DOT1L: variants seen among roughly 807,000 people sequenced by gnomAD.
DOT1L encodes the protein DOT1 like histone lysine methyltransferase.
Under a neutral mutation model 153.3 loss-of-function variants are expected in DOT1L, and 33 were observed. The ratio of observed to expected loss-of-function variants is 0.22; its 90% CI spans 0.16 to 0.29. The LOEUF (loss-of-function observed/expected upper bound fraction) is 0.29. Among genes scored for constraint, DOT1L ranks in the 10% least tolerant of loss-of-function variants. DOT1L has a pLI of 1.00. For synonymous variants in DOT1L, 1,135 were observed against 965.1 expected (o/e 1.18, Z -3.26); for missense variants, 1,847 against 2,119.9 (o/e 0.87, Z 2.53).
At chr19:2,224,830 A>G (rs1599620761) in intron 25 of DOT1L, among the ~76,000 whole-genome samples, 1 of 152,304 alleles carries the variant, frequency 6.6e-6, no homozygotes, top group East Asian at 1.9e-4. Flanking sequence ...TACACGAGAA[A>G]CATTGTAGCA....
intron 12 of DOT1L, among the ~76,000 whole-genome samples, chr19:2,209,195 C>T (rs2023617510): frequency 6.6e-6 from 1 of 152,096 alleles, no homozygotes; most frequent in Non-Finnish European, 1.5e-5. Flanking sequence ...CCCCCTCTTC[C>T]TCTCCTCTCC....
In DOT1L at chr19:2,208,914, G is replaced by A. The variant is rs773759971; in HGVS notation, c.964-21G>A. 5 of 1,611,568 alleles carry A rather than the reference G, an allele frequency of 3.1e-6. No homozygotes were observed. Among genetic ancestry groups the A allele is most frequent in the Non-Finnish European group, 4.2e-6 (5 of 1,178,888 alleles). On this transcript the variant is annotated intron_variant, in intron 11 of 27. Transcript: ENST00000398665. This position sits in a 1 kb window ranked among gnomAD's most constrained non-coding sequence, Gnocchi z 4.4. ...GAGATTGGGACTCCCTTCTAATCAG[G>A]GTTCTCTTTCTTCTTTTTAGCTTGA...
chr19:2,192,999 C>G (rs1021909014), intron 5 of DOT1L, among the ~76,000 whole-genome samples: 1 of 152,222 alleles, frequency 6.6e-6, no homozygotes, highest in African/African-American at 2.4e-5. Flanking sequence ...CTCCATGGTT[C>G]ATGCCCGTTC....
intron 19 of DOT1L, 145 bp downstream of exon 19, chr19:2,214,741 C>T: frequency 2.3e-6 from 3 of 1,287,518 alleles, no homozygotes; most frequent in South Asian, 3.0e-5. Context: ...CTTATGGAAC[C>T]TTCTGTCTTG....
In DOT1L at chr19:2,231,969, G is replaced by C. The variant is rs931263711; in HGVS notation, c.*2177G>C. 2.8e-5 allele frequency: 6 copies of C among 211,030 alleles called. No homozygotes were observed. Among genetic ancestry groups the C allele is most frequent in the Non-Finnish European group, 5.8e-5 (6 of 104,030 alleles). The allele number at this position is 211,030 out of a possible 1,614,324, so 13.1% of individuals were successfully genotyped here. On this transcript the variant is annotated 3_prime_UTR_variant, in exon 28 of 28. Coordinates refer to ENST00000398665, the MANE Select transcript of DOT1L (RefSeq NM_032482.3). ...TGCGTGTCACCACACGTGAACTAGT[G>C]TGGTGGCTGCCTGCGGACACCCTCC...
In DOT1L at chr19:2,208,103, G is replaced by A. The variant is rs1290295329; in HGVS notation, c.963+423G>A. 1.3e-5 allele frequency among the ~76,000 whole-genome samples: 2 copies of A among 152,114 alleles called. No homozygotes were observed. Among genetic ancestry groups the A allele is most frequent in the Non-Finnish European group, 2.9e-5 (2 of 67,988 alleles). On this transcript the variant is annotated intron_variant, in intron 11 of 27. Coordinates refer to ENST00000398665, the MANE Select transcript of DOT1L (RefSeq NM_032482.3). This position sits in a 1 kb window ranked among gnomAD's most constrained non-coding sequence, Gnocchi z 4.4. ...ACCAGGGTCCATGGGTGGGGTCTGG[G>A]ATGCTTCTTCCCTCCCTGTGTTCCC...
rs1289598104 is a variant in DOT1L, at chr19:2,232,146, G to A, written c.*2354G>A. On this transcript the variant is annotated 3_prime_UTR_variant, in exon 28 of 28. Coordinates refer to ENST00000398665, the MANE Select transcript of DOT1L (RefSeq NM_032482.3). ...CCGTGGGCAGCTGGCGGGGACCTGT[G>A]CTGCTGCTGCTGACTGTGGGTGGGC... The A allele has an allele frequency of 3.2e-5, 7 of 220,590 alleles. No homozygotes were observed. Among genetic ancestry groups the A allele is most frequent in the East Asian group, 6.6e-5 (1 of 15,140 alleles). The allele number at this position is 220,590 out of a possible 1,614,324, so 13.7% of individuals were successfully genotyped here.
chr19:2,204,108 T>C lies in DOT1L; in HGVS notation c.787+1329T>C, dbSNP rs1209720132. Among the ~76,000 whole-genome samples the C allele has an allele frequency of 6.6e-6, 1 of 151,936 alleles. No individual in the cohort carries two copies. Among genetic ancestry groups the C allele is most frequent in the Non-Finnish European group, 1.5e-5 (1 of 68,000 alleles). On this transcript the variant is annotated intron_variant, in intron 9 of 27. Transcript: ENST00000398665. The surrounding 1 kb of genome is among the most constrained non-coding windows in gnomAD (Gnocchi z 5.7). ...GTGCTTGTGTGCCTGTGTCTGTGTG[T>C]GCGTGTCTGTGTCTCTGTGCATGCC...
At position 2,217,724 on chromosome 19, in the gene DOT1L, T is replaced by G; in HGVS notation, c.2545-48T>G. 1 of 1,568,536 alleles carries G rather than the reference T, an allele frequency of 6.4e-7. No individual in the cohort carries two copies. The highest frequency in any genetic ancestry group is 8.6e-7 in the Non-Finnish European group (1 of 1,157,960). ...TCCTGTGGCTGTGGTCCCTGTGTCC[T>G]GGAGGGGTTTGTTGACCCACGACTG... On this transcript the variant is annotated intron_variant, in intron 21 of 27. Coordinates refer to ENST00000398665, the MANE Select transcript of DOT1L (RefSeq NM_032482.3). The surrounding 1 kb of genome is among the most constrained non-coding windows in gnomAD (Gnocchi z 7.3).
At position 2,204,700 on chromosome 19, in the gene DOT1L, T is replaced by C. The variant is rs1168001161; in HGVS notation, c.787+1921T>C. 6.6e-6 allele frequency among the ~76,000 whole-genome samples: 1 copy of C among 152,222 alleles called. No homozygotes were observed. The highest frequency in any genetic ancestry group is 1.5e-5 in the Non-Finnish European group (1 of 68,044). On this transcript the variant is annotated intron_variant, in intron 9 of 27. Transcript: ENST00000398665. The surrounding 1 kb of genome is among the most constrained non-coding windows in gnomAD (Gnocchi z 5.7). Reference sequence around the variant, plus strand: ...GTGAAGGGCAGGTGGCCAGTAGTGCTGATTCTAGGGGCCTTGATGGTCCCA... The same window carrying C: ...GTGAAGGGCAGGTGGCCAGTAGTGCCGATTCTAGGGGCCTTGATGGTCCCA...
chr19:2,171,959 C>T (rs929317125), intron 1 of DOT1L, among the ~76,000 whole-genome samples: 1 of 152,192 alleles, frequency 6.6e-6, no homozygotes, highest in African/African-American at 2.4e-5. Context: ...GCTCCACGTC[C>T]TTCCTGGTAT....
chr19:2,211,862 G>C lies in DOT1L; in HGVS notation c.1557+20G>C. On this transcript the variant is annotated intron_variant, in intron 16 of 27. Transcript: ENST00000398665. ...GAGAAGGTGGGTCCTGGCCCCCTTG[G>C]CATTCCGCCTTCCCGCACAGAGGCA... The C allele has an allele frequency of 6.5e-7, 1 of 1,549,082 alleles. No homozygotes were observed.
intron 22 of DOT1L, among the ~76,000 whole-genome samples, chr19:2,218,628 A>T (rs556982864): frequency 9.9e-5 from 15 of 151,836 alleles, no homozygotes; most frequent in East Asian, 3.9e-4. Flanking sequence ...CTCCTGACCT[A>T]GTGATCCGCC....
chr19:2,213,600 A>C lies in DOT1L; in HGVS notation c.1619A>C (p.Lys540Thr). ...QQLLSHCQAQ[K>T]EEIRRLFQQK... ...CTCCTCAGCCACTGCCAGGCCCAGA[A>C]GGAGGAGATCAGGAGGCTGTTTCAG... Residue 540 changes from lysine to threonine, a missense_variant, in exon 17 of 28, where the codon AAG (lysine) becomes ACG (threonine). Transcript: ENST00000398665. The C allele has an allele frequency of 1.9e-6, 3 of 1,613,712 alleles. No homozygotes were observed. Among genetic ancestry groups the C allele is most frequent in the East Asian group, 2.2e-5 (1 of 44,888 alleles).
intron 27 of DOT1L, 157 bp from the exon 28 acceptor site, chr19:2,229,625 CTGT>C: frequency 1.0e-6 from 1 of 985,434 alleles, no homozygotes; most frequent in Middle Eastern, 5.2e-4. Context: ...CGCCCGTCGT[CTGT>C]TGTGGTTAGA....
At chr19:2,215,072 C>T (rs529327933) in intron 19 of DOT1L, among the ~76,000 whole-genome samples, 17 of 151,910 alleles carry the variant, frequency 1.1e-4, no homozygotes, top group Non-Finnish European at 1.5e-4. Context: ...AAAAATTAGC[C>T]GGGTGTGGTG....
intron 16 of DOT1L, 134 bp from the exon 17 acceptor site, chr19:2,213,405 C>T (rs775984578): frequency 4.2e-5 from 35 of 825,712 alleles, no homozygotes; most frequent in Admixed American, 7.9e-5. Flanking sequence ...CATCTCAGCC[C>T]GGTGTGGGTC....
At chr19:2,221,660 CT>C in intron 23 of DOT1L, 1 of 406,806 alleles carries the variant, frequency 2.5e-6, no homozygotes, top group South Asian at 6.7e-5. Context: ...CAGAGGGCAA[CT>C]TACTCAGAGG....
At chr19:2,198,818 T>C (rs1489696817) in intron 7 of DOT1L, among the ~76,000 whole-genome samples, 1 of 152,344 alleles carries the variant, frequency 6.6e-6, no homozygotes, top group Non-Finnish European at 1.5e-5. Context: ...CGTGGCCCTC[T>C]GTGTCCGGCG....
Sources: gnomAD v4.1 joint callset for allele counts (sites outside exome capture counted in the v4.1 genomes callset) on GRCh38, gnomAD v4.1.1 for gene constraint, Gnocchi (gnomAD v3.1) non-coding constraint, MANE v1.5 for transcripts, NCBI Gene and HGNC (gene_info 2026-07-23, HGNC 2026-07-21) for gene names.